Variants in FRMD4A observed in about 807,000 individuals in gnomAD.
FRMD4A encodes FERM domain containing 4A.
Under a neutral mutation model 129.1 loss-of-function variants are expected in FRMD4A, and 29 were observed. The observed-to-expected ratio is 0.22, with a 90% confidence interval of 0.17 to 0.31. The LOEUF (loss-of-function observed/expected upper bound fraction) is 0.31. FRMD4A is among the 10% of genes least tolerant of loss of function. The probability of loss-of-function intolerance (pLI) is 1.00; values close to 1 mark genes in which losing one functional copy is unlikely to be tolerated. For synonymous variants in FRMD4A, 634 were observed against 571.6 expected (o/e 1.11, Z -1.56); for missense variants, 1,272 against 1,375.8 (o/e 0.92, Z 1.19).
chr10:13,742,851 TA>T (rs1214280880), intron 9 of FRMD4A, among the ~76,000 whole-genome samples: 10 of 152,006 alleles, frequency 6.6e-5, no homozygotes, highest in Admixed American at 3.3e-4. Context: ...AGGATCTACC[TA>T]AAGCCTTCTT....
intron 9 of FRMD4A, among the ~76,000 whole-genome samples, chr10:13,741,221 G>A (rs1049344603): frequency 6.6e-6 from 1 of 151,728 alleles, no homozygotes; most frequent in African/African-American, 2.4e-5. Flanking sequence ...AGGCTGACAT[G>A]GGGGGATTGC....
chr10:13,720,629 T>TA (rs1336409171), intron 12 of FRMD4A, among the ~76,000 whole-genome samples: 4 of 152,270 alleles, frequency 2.6e-5, no homozygotes, highest in Non-Finnish European at 5.9e-5. Flanking sequence ...AGTTAGAAGA[T>TA]AACAGGTTTG....
intron 3 of FRMD4A, among the ~76,000 whole-genome samples, chr10:13,840,688 T>C (rs1466946474): frequency 2.7e-5 from 4 of 149,424 alleles, no homozygotes; most frequent in African/African-American, 9.9e-5. Context: ...TTAGGGACGC[T>C]GAGGCATGAG....
intron 2 of FRMD4A, among the ~76,000 whole-genome samples, chr10:14,061,691 T>C (rs781610286): frequency 3.3e-5 from 5 of 152,116 alleles, no homozygotes; most frequent in Non-Finnish European, 5.9e-5. Context: ...AGGGAGCTTA[T>C]GGGAAACGTT....
intron 8 of FRMD4A, among the ~76,000 whole-genome samples, chr10:13,750,069 G>GAAGGAAGAAAGAAAGAAAGA (rs1382966135): frequency 3.6e-4 from 20 of 55,654 alleles, no homozygotes; most frequent in Non-Finnish European, 5.9e-4. Flanking sequence ...AGGAAGGAAG[G>GAAGGAAGAAAGAAAGAAAGA]AAGAAAGAAA....
At chr10:14,086,173 G>A (rs1460692920) in intron 2 of FRMD4A, among the ~76,000 whole-genome samples, 1 of 152,198 alleles carries the variant, frequency 6.6e-6, no homozygotes, top group Non-Finnish European at 1.5e-5. Flanking sequence ...GAATGGAGAA[G>A]GGGCTATGCT....
intron 2 of FRMD4A, among the ~76,000 whole-genome samples, chr10:14,282,948 A>G (rs942797584): frequency 4.6e-5 from 7 of 152,306 alleles, no homozygotes; most frequent in Non-Finnish European, 7.4e-5. Flanking sequence ...ACAACCAGAA[A>G]AAGTGGTTTC....
chr10:14,020,215 T>G (rs376849510), intron 2 of FRMD4A, among the ~76,000 whole-genome samples: 1 of 152,184 alleles, frequency 6.6e-6, no homozygotes, highest in East Asian at 1.9e-4. Flanking sequence ...CTGCTTCCTC[T>G]CACGAACCCA....
intron 2 of FRMD4A, among the ~76,000 whole-genome samples, chr10:14,105,816 C>T (rs1290089242): frequency 1.3e-5 from 2 of 152,086 alleles, no homozygotes; most frequent in Non-Finnish European, 2.9e-5. Flanking sequence ...TTACAGTTTC[C>T]TGTAATCTGG....
chr10:13,745,093 T>C (rs142727052), intron 9 of FRMD4A, among the ~76,000 whole-genome samples: 49 of 152,322 alleles, frequency 3.2e-4, no homozygotes, highest in Admixed American at 9.8e-4. Flanking sequence ...AAAGAAAAGA[T>C]AAATGTTCGA....
intron 2 of FRMD4A, among the ~76,000 whole-genome samples, chr10:14,305,048 C>T (rs1846304675): frequency 1.3e-5 from 2 of 152,208 alleles, no homozygotes; most frequent in African/African-American, 4.8e-5. Context: ...ACAACCTGAG[C>T]TTGAATCCTT....
intron 2 of FRMD4A, among the ~76,000 whole-genome samples, chr10:14,127,866 CTT>C (rs1838931184): frequency 6.6e-6 from 1 of 152,104 alleles, no homozygotes. Flanking sequence ...TCCCCAGCCT[CTT>C]TTATGGTTTG....
chr10:13,841,630 T>C (rs1329383284), intron 3 of FRMD4A, among the ~76,000 whole-genome samples: 1 of 151,990 alleles, frequency 6.6e-6, no homozygotes, highest in East Asian at 1.9e-4. Context: ...GCCAGGAGAG[T>C]GTTGCACTGT....
At chr10:14,028,435 G>A (rs1299739290) in intron 2 of FRMD4A, among the ~76,000 whole-genome samples, 1 of 152,158 alleles carries the variant, frequency 6.6e-6, no homozygotes, top group Non-Finnish European at 1.5e-5. Flanking sequence ...GGATGAGGGA[G>A]AGTCACTGAC....
chr10:13,746,439 T>A (rs923608742), intron 9 of FRMD4A, among the ~76,000 whole-genome samples: 2 of 152,076 alleles, frequency 1.3e-5, no homozygotes, highest in Admixed American at 6.6e-5. Flanking sequence ...GGTCTCGATC[T>A]CCTGACCTTG....
At chr10:14,113,772 G>T (rs1589004047) in intron 2 of FRMD4A, among the ~76,000 whole-genome samples, 2 of 152,058 alleles carry the variant, frequency 1.3e-5, no homozygotes, top group African/African-American at 4.8e-5. Context: ...GCATGAGTGT[G>T]CGCGCGCGTG....
chr10:13,914,076 A>C (rs2094973163), intron 2 of FRMD4A, among the ~76,000 whole-genome samples: 1 of 152,166 alleles, frequency 6.6e-6, no homozygotes. Context: ...GCAGTCATTC[A>C]GCTGTGGCCT....
At chr10:14,186,155 A>AG (rs1842140191) in intron 2 of FRMD4A, among the ~76,000 whole-genome samples, 1 of 152,122 alleles carries the variant, frequency 6.6e-6, no homozygotes, top group African/African-American at 2.4e-5. Flanking sequence ...AAAAGAAAAA[A>AG]AAAAAAAGAC....
intron 2 of FRMD4A, among the ~76,000 whole-genome samples, chr10:14,275,346 T>C (rs77227397): frequency 0.064 from 9,777 of 152,346 alleles, 397 homozygotes; most frequent in Non-Finnish European, 0.09. Flanking sequence ...GTCTAAACAC[T>C]GGACAATGTT....
Sources: allele counts gnomAD v4.1 joint callset (sites outside exome capture counted in the v4.1 genomes callset), GRCh38; gene constraint gnomAD v4.1.1; transcripts MANE v1.5; gene names NCBI Gene and HGNC (gene_info 2026-07-23, HGNC 2026-07-21).